Variants in CYTH3 observed in about 807,000 individuals in gnomAD.
The protein encoded by CYTH3 is cytohesin 3, also known as cytohesin-3.
CYTH3 carries 23 observed loss-of-function variants against 55.1 expected under a neutral mutation model. The ratio of observed to expected loss-of-function variants is 0.42; its 90% CI spans 0.30 to 0.59. The LOEUF (loss-of-function observed/expected upper bound fraction) is 0.59, where lower values mean the gene tolerates loss of function less well. CYTH3 is among the 20% of genes least tolerant of loss of function. CYTH3 has a pLI of 0.20. For synonymous variants in CYTH3, 249 were observed against 194.9 expected, an observed-to-expected ratio of 1.28 and a Z score of -2.31; for missense variants, 413 against 524.8, an observed-to-expected ratio of 0.79 and a Z score of 2.08.
Position 6,170,195 on chromosome 7 carries a change from C to A in CYTH3, c.823+340G>T, listed in dbSNP as rs184690280. On this transcript the variant is annotated intron_variant, in intron 9 of 12. Transcript: ENST00000350796. This position sits in a 1 kb window ranked among gnomAD's most constrained non-coding sequence, Gnocchi z 7.8. ...CCACGCGTCAAAAATCACAGCCACA[C>A]CAAACCGAGAGAGGCACACAGGCTC... 7.3e-5 allele frequency: 20 copies of A among 274,514 alleles called. No homozygotes were observed. In the Admixed American group the frequency reaches 9.6e-4, roughly 13 times the overall value. The allele number at this position is 274,514 out of a possible 1,614,324, so 17.0% of individuals were successfully genotyped here. A position where few individuals can be genotyped will look rare whatever the true frequency, so the allele number is the denominator to read the frequency against.
chr7:6,256,197 G>C (rs1780099619), intron 1 of CYTH3, among the ~76,000 whole-genome samples: 1 of 152,186 alleles, frequency 6.6e-6, no homozygotes, highest in South Asian at 2.1e-4. Context: ...CGTGATGGCT[G>C]AAACCAAGAT....
At chr7:6,259,338 T>A (rs1007015530) in intron 1 of CYTH3, among the ~76,000 whole-genome samples, 1 of 152,210 alleles carries the variant, frequency 6.6e-6, no homozygotes, top group South Asian at 2.1e-4. Context: ...AATAGCCCTG[T>A]TGAGAGTTTA....
At chr7:6,226,704 A>G (rs968873317) in intron 1 of CYTH3, among the ~76,000 whole-genome samples, 1 of 152,180 alleles carries the variant, frequency 6.6e-6, no homozygotes, top group Non-Finnish European at 1.5e-5. Context: ...CAACATCTCA[A>G]AGGCTGTAAG....
intron 4 of CYTH3, among the ~76,000 whole-genome samples, chr7:6,184,465 G>A (rs569579987): frequency 3.3e-5 from 5 of 152,196 alleles, no homozygotes; most frequent in Admixed American, 1.3e-4. Context: ...TCTGACACAC[G>A]GTATATATAA....
chr7:6,194,825 A>T (rs1415413519), intron 1 of CYTH3, among the ~76,000 whole-genome samples: 1 of 152,096 alleles, frequency 6.6e-6, no homozygotes, highest in Non-Finnish European at 1.5e-5. Flanking sequence ...AAATACAAAA[A>T]TTAGCTGGGT....
intron 1 of CYTH3, among the ~76,000 whole-genome samples, chr7:6,250,470 A>C (rs1779932678): frequency 6.6e-6 from 1 of 152,194 alleles, no homozygotes; most frequent in African/African-American, 2.4e-5. Flanking sequence ...AAACCAATCC[A>C]AGTCTCAGTT....
intron 4 of CYTH3, among the ~76,000 whole-genome samples, chr7:6,184,174 C>G (rs1194633230): frequency 6.7e-6 from 1 of 149,752 alleles, no homozygotes; most frequent in Non-Finnish European, 1.5e-5. Context: ...CATTCTCCTG[C>G]CTCAGCCTCC....
intron 1 of CYTH3, among the ~76,000 whole-genome samples, chr7:6,270,159 A>G (rs1387529004): frequency 2.0e-5 from 3 of 152,252 alleles, no homozygotes; most frequent in East Asian, 1.9e-4. Flanking sequence ...CAAAACTTAC[A>G]ACAGCCAAGA....
At chr7:6,165,142 C>G in intron 12 of CYTH3, 126 bp from the exon 13 acceptor site, 1 of 1,560,744 alleles carries the variant, frequency 6.4e-7, no homozygotes, top group Admixed American at 1.8e-5. Context: ...CTTTGGCAGC[C>G]CGGCCCTCTG....
intron 1 of CYTH3, among the ~76,000 whole-genome samples, chr7:6,197,999 T>C (rs1023449407): frequency 1.4e-5 from 2 of 144,502 alleles, no homozygotes; most frequent in African/African-American, 5.2e-5. Flanking sequence ...GAGGCTGAAG[T>C]GGGGGGATCG....
chr7:6,184,294 T>G (rs917276355), intron 4 of CYTH3, among the ~76,000 whole-genome samples: 2 of 151,498 alleles, frequency 1.3e-5, no homozygotes, highest in African/African-American at 4.9e-5. Context: ...TCTCCTGACC[T>G]CATGATCCAC....
At chr7:6,247,840 C>G (rs552708846) in intron 1 of CYTH3, among the ~76,000 whole-genome samples, 4 of 151,860 alleles carry the variant, frequency 2.6e-5, no homozygotes, top group South Asian at 2.1e-4. Context: ...TTTGTAGAGA[C>G]GGAGGGCTTA....
chr7:6,259,802 T>TATTATATATATAATATATATATA (rs1780286089), intron 1 of CYTH3, among the ~76,000 whole-genome samples: 2 of 27,772 alleles, frequency 7.2e-5, no homozygotes, highest in African/African-American at 7.1e-4. Context: ...TATATATATA[T>TATTATATATATAATATATATATA]ATATATATAT....
intron 1 of CYTH3, among the ~76,000 whole-genome samples, chr7:6,270,643 A>C (rs6463541): frequency 0.15 from 23,044 of 152,140 alleles, 5,295 homozygotes; most frequent in African/African-American, 0.5. Context: ...TTACCTCACC[A>C]TGCCCCTGCT....
chr7:6,176,390 T>C (rs569596842), intron 5 of CYTH3, among the ~76,000 whole-genome samples: 2 of 150,074 alleles, frequency 1.3e-5, no homozygotes, highest in African/African-American at 4.9e-5. Flanking sequence ...GCCTCTTGCA[T>C]AGCTGAGAAT....
intron 1 of CYTH3, among the ~76,000 whole-genome samples, chr7:6,251,319 C>T (rs529502590): frequency 8.0e-5 from 12 of 149,166 alleles, no homozygotes; most frequent in African/African-American, 2.8e-4. Context: ...AGAAAGCTAT[C>T]AGACTATTCT....
intron 5 of CYTH3, among the ~76,000 whole-genome samples, chr7:6,174,403 C>T (rs368439193): frequency 2.6e-5 from 4 of 152,126 alleles, no homozygotes; most frequent in South Asian, 2.1e-4. Context: ...GTGTGAGCCA[C>T]GGCACCTGCC....
intron 1 of CYTH3, among the ~76,000 whole-genome samples, chr7:6,250,680 G>C (rs1010857913): frequency 5.9e-5 from 9 of 152,240 alleles, no homozygotes; most frequent in Non-Finnish European, 1.2e-4. Context: ...AGGGGTTGCA[G>C]AGGAGGGGAT....
At chr7:6,230,853 T>C (rs553213188) in intron 1 of CYTH3, among the ~76,000 whole-genome samples, 1 of 152,292 alleles carries the variant, frequency 6.6e-6, no homozygotes, top group South Asian at 2.1e-4. Flanking sequence ...TTATAGGTAA[T>C]GTTTATTTTC....
Sources: allele counts gnomAD v4.1 joint callset (sites outside exome capture counted in the v4.1 genomes callset), GRCh38; gene constraint gnomAD v4.1.1; non-coding constraint Gnocchi (gnomAD v3.1); transcripts MANE v1.5; gene names NCBI Gene and HGNC (gene_info 2026-07-23, HGNC 2026-07-21).